The following TXNDC11 variants were observed in gnomAD, a reference collection of about 807,000 sequenced individuals.
TXNDC11 encodes the protein thioredoxin domain-containing protein 11.
Under a neutral mutation model 78.0 loss-of-function variants are expected in TXNDC11, and 68 were observed. The observed-to-expected ratio is 0.87, with a 90% CI of 0.72 to 1.07. The LOEUF is 1.07. Among genes scored for constraint, TXNDC11 ranks in the 50% least tolerant of loss-of-function variants. The pLI, the probability that TXNDC11 is intolerant of heterozygous loss-of-function variation, is 0.00. For synonymous variants in TXNDC11, 571 were observed against 495.2 expected, an observed-to-expected ratio of 1.15 and a Z score of -2.03; for missense variants, 1,389 against 1,221.8, an observed-to-expected ratio of 1.14 and a Z score of -2.04.
chr16:11,736,037 C>T lies in TXNDC11; in HGVS notation c.451G>A (p.Ala151Thr), dbSNP rs2052210505. The change falls in exon 2 of 12, where the codon GCA becomes ACA. Residue 151 changes from alanine to threonine, a missense_variant. Physicochemically the swap from Ala to Thr is moderately conservative, Grantham distance 58 (BLOSUM62 0). Transcript: ENST00000283033. ...IAARAEIEQAASRLSDQVLFV... is the reference protein window; with the variant it reads ...IAARAEIEQATSRLSDQVLFV... ...ATTACCTGATCTGAAAGCCGACTTG[C>T]TGCTTGCTCAATTTCTGCCCTGGCA... 6.2e-7 allele frequency: 1 copy of T among 1,614,076 alleles called. No individual in the cohort carries two copies. Among genetic ancestry groups the T allele is most frequent in the Non-Finnish European group, 8.5e-7 (1 of 1,180,028 alleles).
chr16:11,692,341 G>C, intron 7 of TXNDC11: 2 of 408,182 alleles, frequency 4.9e-6, no homozygotes, highest in Non-Finnish European at 8.7e-6. Flanking sequence ...GATGCTGCCA[G>C]CCTGTTACTT....
chr16:11,682,304 A>G (rs1485759543), intron 11 of TXNDC11, among the ~76,000 whole-genome samples: 1 of 152,264 alleles, frequency 6.6e-6, no homozygotes, highest in Non-Finnish European at 1.5e-5. Context: ...TTCCAAAGCC[A>G]TAAAGCTTTG....
intron 1 of TXNDC11, among the ~76,000 whole-genome samples, chr16:11,737,174 T>C (rs11075012): frequency 0.61 from 93,397 of 151,988 alleles, 29,398 homozygotes; most frequent in African/African-American, 0.72. Context: ...AGACCAGGCG[T>C]GGTGACTCAG....
At chr16:11,733,799 C>T (rs1384838996) in intron 3 of TXNDC11, among the ~76,000 whole-genome samples, 183 bp downstream of exon 3, 2 of 152,084 alleles carry the variant, frequency 1.3e-5, no homozygotes, top group African/African-American at 4.8e-5. Flanking sequence ...CTGCCTGATC[C>T]CATGTTTAGC....
At chr16:11,724,810 A>G (rs1329646163) in intron 4 of TXNDC11, among the ~76,000 whole-genome samples, 1 of 152,012 alleles carries the variant, frequency 6.6e-6, no homozygotes, top group East Asian at 1.9e-4. Flanking sequence ...CAGTGGCGTG[A>G]TCTCCGCTCA....
chr16:11,697,697 T>A (rs1462706330), intron 7 of TXNDC11, among the ~76,000 whole-genome samples: 4 of 152,212 alleles, frequency 2.6e-5, no homozygotes, highest in Non-Finnish European at 5.9e-5. Context: ...GTCCTGAGGA[T>A]GGCCAGGGCT....
intron 4 of TXNDC11, 60 bp from the exon 5 acceptor site, chr16:11,721,730 G>A (rs1226535685): frequency 2.1e-6 from 2 of 934,210 alleles, no homozygotes; most frequent in Admixed American, 2.1e-5. Flanking sequence ...TGTAATGGAG[G>A]ATATTTTAAA....
chr16:11,742,832 T>C lies in TXNDC11; in HGVS notation c.-102A>G. On this transcript the variant is annotated 5_prime_UTR_variant, in exon 1 of 12. Transcript: ENST00000283033. Reference sequence around the variant, plus strand: ...CAATCCCGCAGCTCGCCGCACCCGCTAACCCGGACGCTCCACGTCAGCCGC... The same window carrying C: ...CAATCCCGCAGCTCGCCGCACCCGCCAACCCGGACGCTCCACGTCAGCCGC... The C allele has an allele frequency of 1.5e-6, 2 of 1,358,742 alleles. No homozygotes were observed. Among genetic ancestry groups the C allele is most frequent in the Non-Finnish European group, 1.9e-6 (2 of 1,061,114 alleles). The allele number at this position is 1,358,742 out of a possible 1,614,324, so 84.2% of individuals were successfully genotyped here. A position where few individuals can be genotyped will look rare whatever the true frequency, so the allele number is the denominator to read the frequency against.
At chr16:11,742,280 GCCATAATGT>G in intron 1 of TXNDC11, 188 bp downstream of exon 1, 2 of 465,008 alleles carry the variant, frequency 4.3e-6, no homozygotes, top group Non-Finnish European at 7.4e-6. Flanking sequence ...CGGAAGCCTC[GCCATAATGT>G]CCGCGGGCGG....
intron 5 of TXNDC11, among the ~76,000 whole-genome samples, chr16:11,711,987 T>C (rs2051375419): frequency 6.6e-6 from 1 of 152,178 alleles, no homozygotes; most frequent in Admixed American, 6.5e-5. Context: ...TGCACGGAGC[T>C]GTTTGACTGT....
chr16:11,740,115 C>A lies in TXNDC11; in HGVS notation c.254+2362G>T, dbSNP rs531732590. Among the ~76,000 whole-genome samples the A allele has an allele frequency of 1.1e-3, 164 of 150,880 alleles. 1 individual carries two copies. Among genetic ancestry groups the A allele is most frequent in the Middle Eastern group, 0.01 (3 of 294 alleles). On this transcript the variant is annotated intron_variant, in intron 1 of 11. Transcript: ENST00000283033. ...GGCTGAGGCAGGAGAATCACTTGATCCCAGGAGGCAGAGGTTGCAGTGAGC... is the reference window on the plus strand; with the variant it reads ...GGCTGAGGCAGGAGAATCACTTGATACCAGGAGGCAGAGGTTGCAGTGAGC...
At chr16:11,711,725 A>G (rs1331499224) in intron 5 of TXNDC11, among the ~76,000 whole-genome samples, 1 of 152,236 alleles carries the variant, frequency 6.6e-6, no homozygotes, top group Non-Finnish European at 1.5e-5. Context: ...CTGAGTAAGA[A>G]GCGGAGCTTT....
intron 7 of TXNDC11, among the ~76,000 whole-genome samples, chr16:11,697,585 G>A (rs749067173): frequency 3.9e-5 from 6 of 152,290 alleles, no homozygotes; most frequent in South Asian, 2.1e-4. Flanking sequence ...AGCAGGCTCC[G>A]ATGGCGCTGC....
chr16:11,741,512 C>G (rs1172406648), intron 1 of TXNDC11, among the ~76,000 whole-genome samples: 1 of 152,150 alleles, frequency 6.6e-6, no homozygotes, highest in East Asian at 1.9e-4. Flanking sequence ...TTCGCTCTAC[C>G]GTGGACACGC....
At chr16:11,720,288 T>C (rs1388173633) in intron 5 of TXNDC11, among the ~76,000 whole-genome samples, 3 of 152,214 alleles carry the variant, frequency 2.0e-5, no homozygotes, top group African/African-American at 7.2e-5. Context: ...ATGCGTTTTA[T>C]ACCTATAAAA....
At chr16:11,711,827 A>C (rs2051371561) in intron 5 of TXNDC11, among the ~76,000 whole-genome samples, 1 of 152,188 alleles carries the variant, frequency 6.6e-6, no homozygotes, top group Non-Finnish European at 1.5e-5. Flanking sequence ...GTGAAACTGG[A>C]ATAAACACTT....
At chr16:11,683,245 G>T (rs1474129249) in intron 11 of TXNDC11, among the ~76,000 whole-genome samples, 2 of 152,174 alleles carry the variant, frequency 1.3e-5, no homozygotes, top group East Asian at 3.8e-4. Flanking sequence ...CTGCTTGCAG[G>T]GGCTTCCGGG....
intron 9 of TXNDC11, 133 bp from the exon 10 acceptor site, chr16:11,688,099 C>T (rs2050614289): frequency 2.2e-6 from 2 of 921,646 alleles, no homozygotes; most frequent in Non-Finnish European, 1.7e-6. Flanking sequence ...AAATTTTCAT[C>T]TTTAGGTCTT....
At chr16:11,709,134 A>C (rs1026795349) in intron 5 of TXNDC11, among the ~76,000 whole-genome samples, 2 of 152,210 alleles carry the variant, frequency 1.3e-5, no homozygotes, top group Non-Finnish European at 2.9e-5. Context: ...GCATAGTTTC[A>C]AACTTCTTAA....
Sources: allele counts gnomAD v4.1 joint callset (sites outside exome capture counted in the v4.1 genomes callset), GRCh38; gene constraint gnomAD v4.1.1; transcripts MANE v1.5; gene names NCBI Gene and HGNC (gene_info 2026-07-23, HGNC 2026-07-21).